The following VPS13B variants were observed in gnomAD, a reference collection of about 807,000 sequenced individuals.
VPS13B encodes vacuolar protein sorting 13 homolog B, also known as intermembrane lipid transfer protein VPS13B.
VPS13B carries 285 observed loss-of-function variants against 426.4 expected under a neutral mutation model. The observed-to-expected ratio is 0.67, with a 90% confidence interval of 0.61 to 0.74. VPS13B has a LOEUF of 0.74. VPS13B is among the 30% of genes least tolerant of loss of function. The pLI is 0.00. For synonymous variants in VPS13B, 1,676 were observed against 1,676.4 expected, an observed-to-expected ratio of 1.00 and a Z score of 0.01; for missense variants, 4,537 against 4,782.6, an observed-to-expected ratio of 0.95 and a Z score of 1.51.
intron 23 of VPS13B, among the ~76,000 whole-genome samples, chr8:99,446,874 C>T (rs1298592460): frequency 1.3e-5 from 2 of 152,112 alleles, no homozygotes; most frequent in Non-Finnish European, 1.5e-5. Flanking sequence ...CATCTAAAAC[C>T]GCAAATTAGT....
At chr8:99,584,172 T>C (rs898956927) in intron 33 of VPS13B, among the ~76,000 whole-genome samples, 1 of 152,290 alleles carries the variant, frequency 6.6e-6, no homozygotes. Context: ...TTAAGTATTT[T>C]ACTGCCTATC....
At chr8:99,267,738 AAAAAG>A (rs892416979) in intron 17 of VPS13B, among the ~76,000 whole-genome samples, 1 of 152,046 alleles carries the variant, frequency 6.6e-6, no homozygotes, top group African/African-American at 2.4e-5. Context: ...AAAAAAAAGA[AAAAAG>A]AAAAAAGAAA....
chr8:99,442,577 G>A lies in VPS13B; in HGVS notation c.3387G>A (p.Lys1129=). The change falls in exon 23 of 62, where the codon AAG becomes AAA. Residue 1129 remains lysine (K), a synonymous_variant. Coordinates refer to ENST00000357162, the MANE Select transcript of VPS13B (RefSeq NM_152564.5). ...PQIKIISAGH[K]YMEPLQEIPF... is the part of the protein sequence containing the mutation. ...TAAAGATTATTAGTGCTGGGCACAA[G>A]TATATGGAACCTCTGCAGGAGATTC... The A allele has an allele frequency of 6.2e-7, 1 of 1,613,962 alleles. No individual in the cohort carries two copies.
At chr8:99,535,000 C>A (rs1450261174) in intron 30 of VPS13B, among the ~76,000 whole-genome samples, 2 of 152,120 alleles carry the variant, frequency 1.3e-5, no homozygotes, top group South Asian at 2.1e-4. Flanking sequence ...TTTGTAGTTA[C>A]AATTTCAGAA....
At chr8:99,844,671 C>T (rs1009881728) in intron 54 of VPS13B, among the ~76,000 whole-genome samples, 3 of 152,168 alleles carry the variant, frequency 2.0e-5, no homozygotes, top group Admixed American at 1.3e-4. Flanking sequence ...CCCCCGGCCT[C>T]AGGCTTCTTT....
At chr8:99,818,960 G>GT in intron 47 of VPS13B, 72 bp downstream of exon 47, 1 of 1,138,466 alleles carries the variant, frequency 8.8e-7, no homozygotes, top group Non-Finnish European at 1.3e-6. Context: ...ACCTTGCACT[G>GT]GGGGGCGGCG....
At chr8:99,163,829 G>C (rs1811834002) in intron 15 of VPS13B, among the ~76,000 whole-genome samples, 1 of 152,190 alleles carries the variant, frequency 6.6e-6, no homozygotes, top group African/African-American at 2.4e-5. Context: ...GCCTTGGCCA[G>C]CCCAGAAAGG....
At chr8:99,465,603 G>GA (rs1391452907) in intron 23 of VPS13B, among the ~76,000 whole-genome samples, 1 of 151,876 alleles carries the variant, frequency 6.6e-6, no homozygotes, top group African/African-American at 2.4e-5. Context: ...AATAGGATTT[G>GA]AAAAAATATA....
At chr8:99,026,849 C>T (rs1053140065) in intron 2 of VPS13B, among the ~76,000 whole-genome samples, 1 of 151,986 alleles carries the variant, frequency 6.6e-6, no homozygotes, top group Non-Finnish European at 1.5e-5. Context: ...TTATAGGCAG[C>T]ATATAGTTGG....
At chr8:99,077,347 T>G (rs989811535) in intron 3 of VPS13B, among the ~76,000 whole-genome samples, 1 of 152,016 alleles carries the variant, frequency 6.6e-6, no homozygotes, top group Non-Finnish European at 1.5e-5. Flanking sequence ...TTTTTGTACT[T>G]TTAGTAGAGA....
intron 39 of VPS13B, among the ~76,000 whole-genome samples, chr8:99,734,984 T>C (rs1247991695): frequency 6.6e-6 from 1 of 152,188 alleles, no homozygotes; most frequent in Non-Finnish European, 1.5e-5. Context: ...AGGTTCTACA[T>C]TGGACATTTA....
intron 39 of VPS13B, among the ~76,000 whole-genome samples, chr8:99,763,163 A>AG (rs1811032077): frequency 1.4e-5 from 2 of 146,880 alleles, no homozygotes; most frequent in East Asian, 2.0e-4. Context: ...AAAAAAAAAA[A>AG]AAGAAGAGAA....
intron 51 of VPS13B, among the ~76,000 whole-genome samples, chr8:99,829,017 C>T (rs1196561137): frequency 1.3e-5 from 2 of 152,214 alleles, no homozygotes; most frequent in African/African-American, 4.8e-5. Context: ...ATCTTTCTGT[C>T]TGGCTGCCCT....
At chr8:99,503,529 C>G (rs117094000) in intron 27 of VPS13B, among the ~76,000 whole-genome samples, 2 of 152,192 alleles carry the variant, frequency 1.3e-5, no homozygotes, top group African/African-American at 4.8e-5. Context: ...TCAGTCCTCT[C>G]AAACTTTGCT....
rs187868165 is a variant in VPS13B at position 99,817,874 on chromosome 8, G to C, written c.8361+71G>C. On this transcript the variant is annotated intron_variant, in intron 45 of 61. Transcript: ENST00000357162. ...AATTTTCTCAAAATGTTCTTTACTCGTACAGCACTTAATTTATTAAAAAGT... is the reference window on the plus strand; with the variant it reads ...AATTTTCTCAAAATGTTCTTTACTCCTACAGCACTTAATTTATTAAAAAGT... 2,122 of 1,606,426 alleles carry C rather than the reference G, an allele frequency of 1.3e-3. 1 individual carries two copies. The highest frequency in any genetic ancestry group is 1.7e-3 in the South Asian group (155 of 90,504).
chr8:99,027,495 T>C (rs1377309692), intron 2 of VPS13B, among the ~76,000 whole-genome samples: 4 of 151,722 alleles, frequency 2.6e-5, no homozygotes, highest in Non-Finnish European at 5.9e-5. Flanking sequence ...GTCTGTTCGC[T>C]TTCAGTTCTA....
chr8:99,717,981 G>C (rs943752480), intron 37 of VPS13B, among the ~76,000 whole-genome samples: 2 of 152,022 alleles, frequency 1.3e-5, no homozygotes, highest in African/African-American at 4.8e-5. Flanking sequence ...ATGCTGCCAT[G>C]ACCATTTGTG....
intron 36 of VPS13B, among the ~76,000 whole-genome samples, chr8:99,706,183 A>G (rs1832489913): frequency 6.6e-6 from 1 of 152,144 alleles, no homozygotes; most frequent in South Asian, 2.1e-4. Flanking sequence ...ACCGCAACCA[A>G]TAAAGTTAAA....
intron 29 of VPS13B, among the ~76,000 whole-genome samples, chr8:99,511,840 T>A (rs919094611): frequency 3.3e-5 from 5 of 152,078 alleles, no homozygotes; most frequent in African/African-American, 9.7e-5. Context: ...AGAACTAAAA[T>A]TTTTTTTAAA....
Sources: gnomAD v4.1 joint callset for allele counts (sites outside exome capture counted in the v4.1 genomes callset) on GRCh38, gnomAD v4.1.1 for gene constraint, MANE v1.5 for transcripts, NCBI Gene and HGNC (gene_info 2026-07-23, HGNC 2026-07-21) for gene names.